Variants in SUMF1 observed in about 807,000 individuals in gnomAD.
SUMF1 encodes the protein sulfatase modifying factor 1.
SUMF1 carries 48 observed loss-of-function variants against 47.6 expected under a neutral mutation model. The observed-to-expected ratio is 1.01, with a 90% CI of 0.80 to 1.28. The LOEUF (loss-of-function observed/expected upper bound fraction) is 1.28, where lower values mean the gene tolerates loss of function less well. SUMF1 is among the 50% of genes most tolerant of loss of function. SUMF1 has a pLI of 0.00. For synonymous variants in SUMF1, 230 were observed against 192.1 expected (o/e 1.20, Z -1.63); for missense variants, 571 against 485.4 (o/e 1.18, Z -1.66).
intron 8 of SUMF1, among the ~76,000 whole-genome samples, chr3:4,088,396 G>A (rs1692716328): frequency 6.6e-6 from 1 of 152,016 alleles, no homozygotes; most frequent in South Asian, 2.1e-4. Flanking sequence ...CCCAAAAAAT[G>A]TTTTGTGAAC....
At chr3:4,092,989 A>G (rs1478098050) in intron 8 of SUMF1, among the ~76,000 whole-genome samples, 1 of 152,148 alleles carries the variant, frequency 6.6e-6, no homozygotes, top group African/African-American at 2.4e-5. Context: ...GCCAATGTTT[A>G]TAGAGATAGA....
At position 4,338,481 on chromosome 3, in the gene SUMF1, A is replaced by C. The variant is rs373781073; in HGVS notation, c.1014+37849T>G. ...GGTTGAACCACCTTGACACCAAAAC[A>C]ATTCATTCATTCATTCACAAACGTT... On this transcript the variant is annotated intron_variant and NMD_transcript_variant, in intron 8 of 12. Transcript: ENST00000448413. 5.0e-4 allele frequency among the ~76,000 whole-genome samples: 76 copies of C among 152,240 alleles called. No individual in the cohort carries two copies. The East Asian group carries it at 7.7e-3, about 15-fold the overall frequency.
At position 4,110,715 on chromosome 3, in the gene SUMF1, C is replaced by T. The variant is rs551548677; in HGVS notation, c.1015-41970G>A. On this transcript the variant is annotated intron_variant and NMD_transcript_variant, in intron 8 of 12. Coordinates refer to the SUMF1 transcript ENST00000448413. ...GTAGGGACAGGGATGAAGCTGGAAA[C>T]CATCATTCTCAGCAATCTATCGCAA... is the stretch of plus-strand genomic sequence containing the variant. 2.3e-3 allele frequency among the ~76,000 whole-genome samples: 345 copies of T among 151,638 alleles called. 4 individuals are homozygous for T. Among genetic ancestry groups the T allele is most frequent in the Middle Eastern group, 3.4e-3 (1 of 294 alleles).
intron 8 of SUMF1, among the ~76,000 whole-genome samples, chr3:4,331,210 T>A (rs1305220985): frequency 7.4e-6 from 1 of 134,634 alleles, no homozygotes; most frequent in Non-Finnish European, 1.6e-5. Context: ...GTCCTTTTTT[T>A]ATTCCTTTAA....
In SUMF1 at chr3:4,253,404, T is replaced by C. The variant is rs555707725; in HGVS notation, c.1014+122926A>G. On this transcript the variant is annotated intron_variant and NMD_transcript_variant, in intron 8 of 12. Transcript: ENST00000448413. ...CAGTGGGCGCAGGCCAGTGGGTGCG[T>C]GCACCGTGCACGAGCGGAAGCAGGG... Among the ~76,000 whole-genome samples, 12 of 152,256 alleles carry C rather than the reference T, an allele frequency of 7.9e-5. No individual in the cohort carries two copies. In the South Asian group the frequency reaches 8.3e-4, roughly 11 times the overall value.
At chr3:4,170,863 G>T (rs1254028197) in intron 8 of SUMF1, among the ~76,000 whole-genome samples, 1 of 152,102 alleles carries the variant, frequency 6.6e-6, no homozygotes, top group Non-Finnish European at 1.5e-5. Context: ...TTCTCTTCAT[G>T]GTTTGTAGGA....
intron 8 of SUMF1, among the ~76,000 whole-genome samples, chr3:4,334,887 C>T (rs116840297): frequency 6.6e-6 from 1 of 152,108 alleles, no homozygotes; most frequent in Non-Finnish European, 1.5e-5. Flanking sequence ...TTTAGGCTAG[C>T]CTTTGTCCTG....
intron 7 of SUMF1, among the ~76,000 whole-genome samples, chr3:4,392,197 T>C (rs1466543166): frequency 6.6e-6 from 1 of 152,176 alleles, no homozygotes; most frequent in Non-Finnish European, 1.5e-5. Context: ...TCTGCTCTTG[T>C]GTTCAACTAG....
chr3:4,132,124 G>A (rs1424888516), intron 8 of SUMF1, among the ~76,000 whole-genome samples: 1 of 152,108 alleles, frequency 6.6e-6, no homozygotes, highest in East Asian at 1.9e-4. Context: ...GTCCCCACCA[G>A]AATAAACACT....
intron 8 of SUMF1, among the ~76,000 whole-genome samples, chr3:4,157,249 G>GT (rs1306497290): frequency 6.6e-6 from 1 of 151,472 alleles, no homozygotes; most frequent in Non-Finnish European, 1.5e-5. Flanking sequence ...TGCTGGGCCA[G>GT]TTTTTTAGAT....
rs574924661 is a variant in SUMF1, at chr3:4,077,172, A to T, written c.1015-8427T>A. The stretch of plus-strand genomic sequence containing the variant: ...CAGGAAACAACAGACGCTGGAGAGG[A>T]TGTGGAGAAACAGGAATGCTTTTAC... On this transcript the variant is annotated intron_variant and NMD_transcript_variant, in intron 8 of 12. Coordinates refer to the SUMF1 transcript ENST00000448413. Among the ~76,000 whole-genome samples the T allele has an allele frequency of 1.4e-3, 212 of 152,244 alleles. 2 individuals are homozygous for T. The highest frequency in any genetic ancestry group is 0.01 in the Middle Eastern group (3 of 294).
intron 8 of SUMF1, among the ~76,000 whole-genome samples, chr3:4,311,489 C>T (rs1267990922): frequency 1.3e-5 from 2 of 152,150 alleles, no homozygotes; most frequent in Non-Finnish European, 2.9e-5. Flanking sequence ...AAAAAACAGC[C>T]CATGAAACTG....
At chr3:4,078,726 G>A (rs1182737209) in intron 8 of SUMF1, among the ~76,000 whole-genome samples, 2 of 150,576 alleles carry the variant, frequency 1.3e-5, no homozygotes, top group African/African-American at 4.9e-5. Flanking sequence ...GGGCAACACA[G>A]TGAGACCCCC....
intron 8 of SUMF1, among the ~76,000 whole-genome samples, chr3:4,148,143 C>G (rs1436784345): frequency 6.6e-6 from 1 of 152,168 alleles, no homozygotes; most frequent in East Asian, 1.9e-4. Context: ...TTCTTTTAAT[C>G]TAATCTGAAA....
intron 8 of SUMF1, among the ~76,000 whole-genome samples, chr3:4,189,646 T>C (rs551825824): frequency 9.9e-5 from 15 of 152,098 alleles, no homozygotes; most frequent in African/African-American, 3.1e-4. Context: ...ATATAAAAAG[T>C]AGGGCAAGAG....
intron 3 of SUMF1, among the ~76,000 whole-genome samples, chr3:4,428,870 C>G (rs1375062483): frequency 2.0e-5 from 3 of 152,194 alleles, no homozygotes; most frequent in Non-Finnish European, 4.4e-5. Flanking sequence ...CATCAGTAAG[C>G]ATACACATTT....
At chr3:4,194,567 C>T (rs142562375) in intron 8 of SUMF1, among the ~76,000 whole-genome samples, 68 of 152,254 alleles carry the variant, frequency 4.5e-4, no homozygotes, top group African/African-American at 1.5e-3. Context: ...CTAAACAGTC[C>T]AGAATTTACT....
intron 8 of SUMF1, among the ~76,000 whole-genome samples, chr3:4,108,483 A>G (rs1268270469): frequency 6.6e-6 from 1 of 151,860 alleles, no homozygotes; most frequent in Non-Finnish European, 1.5e-5. Context: ...ATCCTTGTTA[A>G]CTTTCTGTCT....
At chr3:4,288,210 C>T (rs1458128524) in intron 8 of SUMF1, among the ~76,000 whole-genome samples, 1 of 152,118 alleles carries the variant, frequency 6.6e-6, no homozygotes, top group Admixed American at 6.6e-5. Flanking sequence ...TACCAGTTTC[C>T]TAATTTCTGT....
Sources: gnomAD v4.1 joint callset for allele counts (sites outside exome capture counted in the v4.1 genomes callset) on GRCh38, gnomAD v4.1.1 for gene constraint, MANE v1.5 for transcripts, NCBI Gene and HGNC (gene_info 2026-07-23, HGNC 2026-07-21) for gene names.